Variants in PSAP observed in about 807,000 individuals in gnomAD.
PSAP encodes the protein precursor of saposins.
A neutral mutation model predicts 66.0 loss-of-function variants in PSAP; 25 were observed. The observed-to-expected ratio is 0.38, with a 90% CI of 0.28 to 0.53. PSAP has a LOEUF of 0.53. Ranked by LOEUF, PSAP falls within the 20% of genes least tolerant of loss-of-function variation. The probability of loss-of-function intolerance (pLI) is 0.83; values close to 1 mark genes in which losing one functional copy is unlikely to be tolerated. For missense variants in PSAP, 649 were observed against 668.8 expected (o/e 0.97, Z 0.33); for synonymous variants, 273 against 258.9 (o/e 1.05, Z -0.52).
chr10:71,835,211 C>T (rs1371475159), intron 1 of PSAP, among the ~76,000 whole-genome samples: 1 of 140,260 alleles, frequency 7.1e-6, no homozygotes, highest in East Asian at 2.0e-4. Flanking sequence ...AGCGAGACTC[C>T]GTTTCAAAAA....
intron 1 of PSAP, among the ~76,000 whole-genome samples, chr10:71,839,217 C>T (rs1842682332): frequency 6.6e-6 from 1 of 152,040 alleles, no homozygotes; most frequent in Non-Finnish European, 1.5e-5. Context: ...AAGGGCCTGG[C>T]AAGACAGCTT....
intron 5 of PSAP, among the ~76,000 whole-genome samples, chr10:71,828,424 G>A (rs1284352344): frequency 2.6e-5 from 4 of 152,162 alleles, no homozygotes; most frequent in African/African-American, 9.7e-5. Context: ...GGGAAGCCGA[G>A]GCAGGCAGAT....
Position 71,820,026 on chromosome 10 carries a change from T to G in PSAP, c.1006-126A>C. 3 of 973,680 alleles carry G rather than the reference T, an allele frequency of 3.1e-6. No homozygotes were observed. The South Asian group carries it at 4.1e-5, about 13-fold the overall frequency. 60.3% of individuals were successfully genotyped at this position (973,680 alleles called of 1,614,324 possible). ...GGTGCCGTTTCCACCCACAAAAAAC[T>G]ACCAAACTACAAAGCAGGGCAATGG... On this transcript the variant is annotated intron_variant, in intron 9 of 13. Coordinates refer to ENST00000394936, the MANE Select transcript of PSAP (RefSeq NM_002778.4).
At position 71,817,135 on chromosome 10, in the gene PSAP, T is replaced by C. The variant is rs1842182789; in HGVS notation, c.*306A>G. 4 of 486,560 alleles carry C rather than the reference T, an allele frequency of 8.2e-6. No homozygotes were observed. Among genetic ancestry groups the C allele is most frequent in the East Asian group, 3.9e-5 (1 of 25,434 alleles). The allele number at this position is 486,560 out of a possible 1,614,324, so 30.1% of individuals were successfully genotyped here. A position where few individuals can be genotyped will look rare whatever the true frequency, so the allele number is the denominator to read the frequency against. On this transcript the variant is annotated 3_prime_UTR_variant, in exon 14 of 14. Transcript: ENST00000394936. The stretch of plus-strand genomic sequence containing the variant: ...GGTTGATGGCCTCCAGTCAAGAAAC[T>C]GTGGCTCATGCCAGCAGAGCTCTCT...
chr10:71,818,017 A>G lies in PSAP; in HGVS notation c.1540-541T>C, dbSNP rs551301405. Among the ~76,000 whole-genome samples the G allele has an allele frequency of 3.3e-5, 5 of 152,352 alleles. No individual in the cohort carries two copies. In the South Asian group the frequency reaches 1.0e-3, roughly 32 times the overall value. ...AGTGGTCCGAAATGACACAACCGCC[A>G]CTGACATGGTCACAGGGAAGCCCGG... is the stretch of plus-strand genomic sequence containing the variant. On this transcript the variant is annotated intron_variant, in intron 13 of 13. Transcript: ENST00000394936.
intron 1 of PSAP, among the ~76,000 whole-genome samples, chr10:71,836,164 C>T (rs774999491): frequency 2.6e-5 from 4 of 152,206 alleles, no homozygotes; most frequent in South Asian, 2.1e-4. Context: ...ATCACAAACA[C>T]GTCCAGTTCG....
At chr10:71,839,783 G>A (rs2133060449) in intron 1 of PSAP, among the ~76,000 whole-genome samples, 1 of 152,264 alleles carries the variant, frequency 6.6e-6, no homozygotes, top group Middle Eastern at 3.4e-3. Flanking sequence ...GAACTCAGGA[G>A]GCAGAGGTTG....
intron 1 of PSAP, among the ~76,000 whole-genome samples, chr10:71,842,999 A>G (rs1842754580): frequency 6.6e-6 from 1 of 152,158 alleles, no homozygotes; most frequent in Non-Finnish European, 1.5e-5. Context: ...AGCACCTGTT[A>G]TGTGCCAAAA....
rs1856898334 is a variant in PSAP at position 71,833,169 on chromosome 10, GA to G, written c.174+1202del. 2.0e-5 allele frequency among the ~76,000 whole-genome samples: 3 copies of G among 152,152 alleles called. No individual in the cohort carries two copies. In the South Asian group the frequency reaches 6.2e-4, roughly 32 times the overall value. ...TGAAGGCAAATTAGAAACCAAATCT[GA>G]AAGTAGTTTCAGGCCAGTCGTGGTA... On this transcript the variant is annotated intron_variant, in intron 2 of 13. Transcript: ENST00000394936.
Position 71,828,052 on chromosome 10 carries a change from CCTT to C in PSAP, c.679_681del (p.Lys227del), listed in dbSNP as rs1431844269. 8 of 1,614,092 alleles carry C rather than the reference CCTT, an allele frequency of 5.0e-6. No individual in the cohort carries two copies. In the African/African-American group the frequency reaches 6.7e-5, roughly 13 times the overall value. ...CCAGGGCCCAGGCGGTCACACTCCT[CCTT>C]GACATGTTCCACCAAGGCCTGGACA... On this transcript the variant is annotated inframe_deletion, in exon 6 of 14. Coordinates refer to ENST00000394936, the MANE Select transcript of PSAP (RefSeq NM_002778.4).
chr10:71,851,177 C>A lies in PSAP; in HGVS notation c.40+5G>T, dbSNP rs765704043. Reference sequence around the variant, plus strand: ...CCTCCCCAGGATGAGGGTCCCAGGGCTTACCCGCGCCCAGGAGGCTGGCCA... The same window carrying A: ...CCTCCCCAGGATGAGGGTCCCAGGGATTACCCGCGCCCAGGAGGCTGGCCA... On this transcript the variant is annotated splice_donor_5th_base_variant and intron_variant, in intron 1 of 13. Transcript: ENST00000394936. The A allele has an allele frequency of 3.4e-5, 52 of 1,551,054 alleles. No individual in the cohort carries two copies. The highest frequency in any genetic ancestry group is 4.4e-5 in the Non-Finnish European group (50 of 1,146,816).
At chr10:71,827,022 TGAACCATG>T (rs1342694114) in intron 6 of PSAP, among the ~76,000 whole-genome samples, 3 of 152,156 alleles carry the variant, frequency 2.0e-5, no homozygotes, top group Admixed American at 6.5e-5. Context: ...GGCTTCCAGG[TGAACCATG>T]GTCAGCGACC....
Position 71,819,845 on chromosome 10 carries a change from G to A in PSAP, c.1061C>T (p.Ser354Leu), listed in dbSNP as rs751594118. 4.3e-5 allele frequency: 69 copies of A among 1,614,068 alleles called. No individual in the cohort carries two copies. Among genetic ancestry groups the A allele is most frequent in the Non-Finnish European group, 5.1e-5 (60 of 1,180,040 alleles). ...KMCSKLPKSL[S>L]EECQEVVDTY... is the part of the protein sequence containing the mutation. Reference sequence around the variant, plus strand: ...GTCCACCACCTCCTGGCACTCTTCCGACAGGGACTTCGGCAGCTTCGAGCA... The same window carrying A: ...GTCCACCACCTCCTGGCACTCTTCCAACAGGGACTTCGGCAGCTTCGAGCA... The change falls in exon 10 of 14, where the codon TCG becomes TTG. Residue 354 changes from serine to leucine, a missense_variant. Physicochemically the swap from Ser to Leu is moderately radical, Grantham distance 145. Coordinates refer to ENST00000394936, the MANE Select transcript of PSAP (RefSeq NM_002778.4).
intron 12 of PSAP, 64 bp downstream of exon 12, chr10:71,818,967 C>G: frequency 6.8e-7 from 1 of 1,471,582 alleles, no homozygotes; most frequent in South Asian, 1.1e-5. Flanking sequence ...GCAACCCTTC[C>G]GGGTCTCTGC....
intron 7 of PSAP, among the ~76,000 whole-genome samples, chr10:71,825,386 G>T (rs1233194074): frequency 6.6e-6 from 1 of 152,220 alleles, no homozygotes; most frequent in Non-Finnish European, 1.5e-5. Flanking sequence ...TCCAAAGCCA[G>T]CTCAGGAGTT....
chr10:71,841,635 C>T (rs1354977915), intron 1 of PSAP, among the ~76,000 whole-genome samples: 1 of 152,178 alleles, frequency 6.6e-6, no homozygotes, highest in East Asian at 1.9e-4. Flanking sequence ...CCGTGGGAGG[C>T]AGAGGCAGGC....
intron 1 of PSAP, among the ~76,000 whole-genome samples, chr10:71,841,758 C>T (rs1842737438): frequency 6.6e-6 from 1 of 152,120 alleles, no homozygotes; most frequent in South Asian, 2.1e-4. Flanking sequence ...GTAATTCCAG[C>T]ACTTTGGGAG....
intron 7 of PSAP, chr10:71,823,993 C>T: frequency 3.1e-6 from 3 of 955,508 alleles, no homozygotes; most frequent in Non-Finnish European, 4.4e-6. Flanking sequence ...AGCAGTTAAC[C>T]AGGTGTAAGG....
intron 8 of PSAP, 75 bp downstream of exon 8, chr10:71,821,801 A>C: frequency 6.3e-7 from 1 of 1,597,900 alleles, no homozygotes; most frequent in Non-Finnish European, 8.6e-7. Flanking sequence ...GTGACTCGTA[A>C]GATGTGATGT....
Sources: allele counts gnomAD v4.1 joint callset (sites outside exome capture counted in the v4.1 genomes callset), GRCh38; gene constraint gnomAD v4.1.1; transcripts MANE v1.5; gene names NCBI Gene and HGNC (gene_info 2026-07-23, HGNC 2026-07-21).